MTA1: variants seen among roughly 807,000 people sequenced by gnomAD.
MTA1 encodes the protein metastasis associated 1, also known as metastasis-associated protein MTA1.
Under a neutral mutation model 97.0 loss-of-function variants are expected in MTA1, and 15 were observed. The observed-to-expected ratio is 0.15, with a 90% CI of 0.10 to 0.24. MTA1 has a LOEUF of 0.24. Ranked by LOEUF, MTA1 falls within the 10% of genes least tolerant of loss-of-function variation. The pLI, the probability that MTA1 is intolerant of heterozygous loss-of-function variation, is 1.00. For synonymous variants in MTA1, 435 were observed against 417.5 expected (o/e 1.04, Z -0.51); for missense variants, 709 against 1,015.1 (o/e 0.70, Z 4.10).
intron 1 of MTA1, among the ~76,000 whole-genome samples, chr14:105,430,642 T>G (rs2082150912): frequency 6.6e-6 from 1 of 152,174 alleles, no homozygotes; most frequent in Non-Finnish European, 1.5e-5. Context: ...CAAAGCATCA[T>G]CAAGCTAAGC....
At position 105,420,614 on chromosome 14, in the gene MTA1, G is replaced by A. The variant is rs1344092309; in HGVS notation, c.28+551G>A. 1.3e-5 allele frequency among the ~76,000 whole-genome samples: 2 copies of A among 152,188 alleles called. No individual in the cohort carries two copies. Among genetic ancestry groups the A allele is most frequent in the Admixed American group, 1.3e-4 (2 of 15,284 alleles). ...CCTCAGGGGGTCTTCAGCAGGGAGCGAGCATCCCGAGCACGCCTCTAAGTC... is the reference window on the plus strand; with the variant it reads ...CCTCAGGGGGTCTTCAGCAGGGAGCAAGCATCCCGAGCACGCCTCTAAGTC... On this transcript the variant is annotated intron_variant, in intron 1 of 20. Coordinates refer to ENST00000331320, the MANE Select transcript of MTA1 (RefSeq NM_004689.4). The surrounding 1 kb of genome is among the most constrained non-coding windows in gnomAD (Gnocchi z 5.3).
chr14:105,425,613 G>A (rs947989232), intron 1 of MTA1, among the ~76,000 whole-genome samples: 2 of 151,982 alleles, frequency 1.3e-5, no homozygotes, highest in African/African-American at 2.4e-5. Flanking sequence ...GTCTTTCCTC[G>A]TGTGCTACCT....
At chr14:105,458,922 A>C (rs2083255052) in intron 8 of MTA1, among the ~76,000 whole-genome samples, 2 of 152,190 alleles carry the variant, frequency 1.3e-5, no homozygotes, top group Admixed American at 1.3e-4. Flanking sequence ...CCAGGACACG[A>C]GGAGTCCTCG....
At chr14:105,455,722 C>T (rs1555429736) in intron 7 of MTA1, among the ~76,000 whole-genome samples, 2 of 152,230 alleles carry the variant, frequency 1.3e-5, no homozygotes, top group Non-Finnish European at 1.5e-5. Context: ...TGTGCCACCT[C>T]CTCCAGGCAG....
intron 6 of MTA1, among the ~76,000 whole-genome samples, chr14:105,452,414 C>T (rs2082979830): frequency 6.6e-6 from 1 of 152,256 alleles, no homozygotes; most frequent in South Asian, 2.1e-4. Context: ...TACAGTGGCT[C>T]ATGCCTGTAA....
At chr14:105,460,489 C>T in intron 9 of MTA1, 32 bp downstream of exon 9, 5 of 1,569,484 alleles carry the variant, frequency 3.2e-6, no homozygotes, top group Non-Finnish European at 4.3e-6. Flanking sequence ...CAGGTGAGAC[C>T]TGGGGTGGCC....
At chr14:105,458,055 G>C (rs1555430236) in intron 7 of MTA1, among the ~76,000 whole-genome samples, 1 of 152,116 alleles carries the variant, frequency 6.6e-6, no homozygotes, top group African/African-American at 2.4e-5. Flanking sequence ...GGGCTGGGAG[G>C]CCCCTTGCGT....
intron 6 of MTA1, 92 bp from the exon 7 acceptor site, chr14:105,454,101 C>T: frequency 2.1e-6 from 2 of 941,246 alleles, no homozygotes; most frequent in Admixed American, 1.8e-5. Context: ...TGGGCAAGAC[C>T]CTCCCAGCAG....
At chr14:105,468,434 T>G in intron 18 of MTA1, 1 of 1,220,908 alleles carries the variant, frequency 8.2e-7, no homozygotes, top group Non-Finnish European at 1.1e-6. Flanking sequence ...TGTTCCTGCT[T>G]GGGAGCGCCG....
chr14:105,438,556 C>CAGAGGT (rs1323658630), intron 1 of MTA1, 116 bp from the exon 2 acceptor site: 1 of 853,844 alleles, frequency 1.2e-6, no homozygotes, highest in Non-Finnish European at 2.0e-6. Flanking sequence ...CCTGAGGGAG[C>CAGAGGT]AGAGGTGAGG....
chr14:105,469,792 G>A (rs1198610937), intron 19 of MTA1, 49 bp from the exon 20 acceptor site: 10 of 1,565,716 alleles, frequency 6.4e-6, no homozygotes, highest in African/African-American at 1.4e-5. Context: ...GCAGGTTGAG[G>A]TGGAGCTGGC....
chr14:105,469,074 C>T (rs1467145801), intron 18 of MTA1: 11 of 452,748 alleles, frequency 2.4e-5, no homozygotes, highest in East Asian at 6.6e-5. Flanking sequence ...GGGGCAGTGC[C>T]GGCCACAGCG....
At chr14:105,468,750 G>A (rs1219906569) in intron 18 of MTA1, among the ~76,000 whole-genome samples, 3 of 152,240 alleles carry the variant, frequency 2.0e-5, no homozygotes, top group Admixed American at 1.3e-4. Context: ...AGCCATCCTG[G>A]GACCAGCTCC....
chr14:105,452,334 C>T lies in MTA1; in HGVS notation c.433-1859C>T, dbSNP rs902534785. Among the ~76,000 whole-genome samples the T allele has an allele frequency of 4.6e-5, 7 of 152,378 alleles. No individual in the cohort carries two copies. In the South Asian group the frequency reaches 1.2e-3, roughly 27 times the overall value. Reference sequence around the variant, plus strand: ...CAGCAGTCACAGACACACCCAGGCCCTGACCAGTGGCGCAGTCCGGCACCA... The same window carrying T: ...CAGCAGTCACAGACACACCCAGGCCTTGACCAGTGGCGCAGTCCGGCACCA... On this transcript the variant is annotated intron_variant, in intron 6 of 20. Transcript: ENST00000331320.
rs587614718 is a variant in MTA1, at chr14:105,449,720, C to T, written c.241+311C>T. Among the ~76,000 whole-genome samples, 28 of 152,200 alleles carry T rather than the reference C, an allele frequency of 1.8e-4. No homozygotes were observed. The South Asian group carries it at 5.2e-3, about 28-fold the overall frequency. On this transcript the variant is annotated intron_variant, in intron 4 of 20. Transcript: ENST00000331320. Reference sequence around the variant, plus strand: ...CCTGGCCTGGGCTCTTGGCAGCCGCCGACTCCCCCGCTCCTCTTGCTCTTG... The same window carrying T: ...CCTGGCCTGGGCTCTTGGCAGCCGCTGACTCCCCCGCTCCTCTTGCTCTTG...
At chr14:105,449,523 C>T (rs956188352) in intron 4 of MTA1, 114 bp downstream of exon 4, 13 of 1,196,768 alleles carry the variant, frequency 1.1e-5, no homozygotes, top group Middle Eastern at 2.6e-4. Context: ...CTGTGCCCTG[C>T]GCCCGGCCGG....
At chr14:105,444,012 C>T (rs911824384) in intron 2 of MTA1, among the ~76,000 whole-genome samples, 6 of 151,696 alleles carry the variant, frequency 4.0e-5, no homozygotes, top group African/African-American at 1.5e-4. Context: ...CGCTTGAACC[C>T]GGGAGGTGGA....
chr14:105,419,913 G>A lies in MTA1; in HGVS notation c.-123G>A. 3.7e-6 allele frequency: 1 copy of A among 267,556 alleles called. No individual in the cohort carries two copies. The highest frequency in any genetic ancestry group is 5.7e-6 in the Non-Finnish European group (1 of 176,032). 16.6% of individuals were successfully genotyped at this position (267,556 alleles called of 1,614,324 possible). The stretch of plus-strand genomic sequence containing the variant: ...GGCGGCGGCGGCGGCGGCGGCGGCA[G>A]CAGCGCGGCCCCTTTAAACGCCTGC... On this transcript the variant is annotated 5_prime_UTR_variant, in exon 1 of 21. Coordinates refer to ENST00000331320, the MANE Select transcript of MTA1 (RefSeq NM_004689.4).
Position 105,451,628 on chromosome 14 carries a change from G to A in MTA1, c.432+1304G>A, listed in dbSNP as rs1555428693. ...GTTTGTTAGCAAAAAAGGCCCGTGA[G>A]GAAGCAGCAGGTGCAGTGACAAGCC... On this transcript the variant is annotated intron_variant, in intron 6 of 20. Coordinates refer to ENST00000331320, the MANE Select transcript of MTA1 (RefSeq NM_004689.4). Among the ~76,000 whole-genome samples the A allele has an allele frequency of 2.6e-5, 4 of 152,206 alleles. No individual in the cohort carries two copies. The South Asian group carries it at 8.3e-4, about 32-fold the overall frequency.
Sources: gnomAD v4.1 joint callset for allele counts (sites outside exome capture counted in the v4.1 genomes callset) on GRCh38, gnomAD v4.1.1 for gene constraint, Gnocchi (gnomAD v3.1) non-coding constraint, MANE v1.5 for transcripts, NCBI Gene and HGNC (gene_info 2026-07-23, HGNC 2026-07-21) for gene names.